MEGF9: variants seen among roughly 807,000 people sequenced by gnomAD.
The protein encoded by MEGF9 is multiple EGF like domains 9.
Under a neutral mutation model 46.8 loss-of-function variants are expected in MEGF9, and 6 were observed. That is an observed-to-expected ratio of 0.13 (90% CI 0.07 to 0.25). The LOEUF (loss-of-function observed/expected upper bound fraction) is 0.25. MEGF9 is among the 10% of genes least tolerant of loss of function. The pLI, the probability that MEGF9 is intolerant of heterozygous loss-of-function variation, is 1.00. For synonymous variants in MEGF9, 302 were observed against 330.7 expected (o/e 0.91, Z 0.94); for missense variants, 683 against 792.4 (o/e 0.86, Z 1.66).
chr9:120,691,489 A>G, intron 1 of MEGF9: 1 of 424,758 alleles, frequency 2.4e-6, no homozygotes, highest in Non-Finnish European at 4.8e-6. Context: ...ACAAGAAGTC[A>G]GATTTCAAAT....
rs544548969 is a variant in MEGF9 at position 120,705,786 on chromosome 9, C to T, written c.601+7972G>A. 4.0e-4 allele frequency among the ~76,000 whole-genome samples: 60 copies of T among 151,454 alleles called. No homozygotes were observed. In the South Asian group the frequency reaches 0.011, roughly 29 times the overall value. Reference sequence around the variant, plus strand: ...AAATCCTCCTTTAAAGTTACCAGGGCAGTCAGGGTAGTCATTTCTAGTGAA... The same window carrying T: ...AAATCCTCCTTTAAAGTTACCAGGGTAGTCAGGGTAGTCATTTCTAGTGAA... On this transcript the variant is annotated intron_variant, in intron 1 of 5. Coordinates refer to ENST00000373930, the MANE Select transcript of MEGF9 (RefSeq NM_001080497.3).
chr9:120,619,279 G>A (rs1486489409), intron 3 of MEGF9, among the ~76,000 whole-genome samples: 2 of 151,450 alleles, frequency 1.3e-5, no homozygotes, highest in African/African-American at 4.8e-5. Context: ...CCCAGGAGGT[G>A]GAGGTTGCAG....
At chr9:120,677,049 T>A (rs564418363) in intron 1 of MEGF9, among the ~76,000 whole-genome samples, 1 of 152,226 alleles carries the variant, frequency 6.6e-6, no homozygotes, top group African/African-American at 2.4e-5. Flanking sequence ...GGGGAGGAGA[T>A]AAGGAGCAAA....
intron 1 of MEGF9, among the ~76,000 whole-genome samples, chr9:120,670,467 C>T (rs910666127): frequency 6.6e-6 from 1 of 152,144 alleles, no homozygotes; most frequent in Non-Finnish European, 1.5e-5. Flanking sequence ...GAGAAAGTTA[C>T]AATATAAAGA....
chr9:120,631,780 C>T (rs1028749520), intron 2 of MEGF9, among the ~76,000 whole-genome samples: 10 of 152,028 alleles, frequency 6.6e-5, no homozygotes, highest in East Asian at 1.9e-4. Context: ...CCACTGTGCC[C>T]GGCCCTGTAT....
intron 1 of MEGF9, among the ~76,000 whole-genome samples, chr9:120,673,902 G>A (rs1361076448): frequency 6.6e-6 from 1 of 151,156 alleles, no homozygotes; most frequent in East Asian, 1.9e-4. Flanking sequence ...CTCAGAGGGC[G>A]GAGCTTGCAG....
chr9:120,656,797 A>C (rs1331614563), intron 2 of MEGF9, among the ~76,000 whole-genome samples: 1 of 152,146 alleles, frequency 6.6e-6, no homozygotes, highest in African/African-American at 2.4e-5. Context: ...ACTTAAAAGA[A>C]TTCAGCCAGG....
intron 1 of MEGF9, among the ~76,000 whole-genome samples, chr9:120,709,322 A>G (rs2043942388): frequency 6.6e-6 from 1 of 152,152 alleles, no homozygotes; most frequent in Non-Finnish European, 1.5e-5. Context: ...AGGCTGAGGC[A>G]GAATTGCCTG....
chr9:120,642,926 G>GA (rs1217767164), intron 2 of MEGF9, among the ~76,000 whole-genome samples: 2 of 152,068 alleles, frequency 1.3e-5, no homozygotes, highest in Non-Finnish European at 2.9e-5. Flanking sequence ...AAACTAAATT[G>GA]AAAACCCCAA....
chr9:120,641,553 A>C (rs2043603243), intron 2 of MEGF9, among the ~76,000 whole-genome samples: 1 of 152,202 alleles, frequency 6.6e-6, no homozygotes, highest in Non-Finnish European at 1.5e-5. Flanking sequence ...ACTCAGAGCC[A>C]CCAACATAGA....
rs1362441949 is a variant in MEGF9 at position 120,713,919 on chromosome 9, GTGGTCGGCGCGGGTC to G, written c.425_439del (p.Arg142_Thr146del). The G allele has an allele frequency of 7.4e-7, 1 of 1,344,444 alleles. No homozygotes were observed. Among genetic ancestry groups the G allele is most frequent in the South Asian group, 2.1e-5 (1 of 48,384 alleles). 83.3% of individuals were successfully genotyped at this position (1,344,444 alleles called of 1,614,324 possible). On this transcript the variant is annotated inframe_deletion, in exon 1 of 6. Transcript: ENST00000373930. The stretch of plus-strand genomic sequence containing the variant: ...CGCCGGGCCAGTGGTCGTCGAAAGG[GTGGTCGGCGCGGGTC>G]TGGTCGGCGCCTGAGAGGTGGTCGA...
chr9:120,709,864 C>G (rs1232517804), intron 1 of MEGF9, among the ~76,000 whole-genome samples: 1 of 151,910 alleles, frequency 6.6e-6, no homozygotes, highest in East Asian at 1.9e-4. Flanking sequence ...GCCTGGCCAA[C>G]ATGGTGAAAC....
chr9:120,685,456 T>A (rs1189331552), intron 1 of MEGF9, among the ~76,000 whole-genome samples: 1 of 152,216 alleles, frequency 6.6e-6, no homozygotes, highest in Non-Finnish European at 1.5e-5. Context: ...AGTAATAGTC[T>A]TGGAGAAACA....
intron 2 of MEGF9, among the ~76,000 whole-genome samples, chr9:120,656,546 C>CAAA (rs11446439): frequency 1.1e-3 from 97 of 88,052 alleles, no homozygotes; most frequent in Non-Finnish European, 1.3e-3. Context: ...GACTCCGTCT[C>CAAA]AAAAAAAAAA....
At chr9:120,622,170 C>T (rs1407482462) in intron 3 of MEGF9, among the ~76,000 whole-genome samples, 2 of 152,150 alleles carry the variant, frequency 1.3e-5, no homozygotes, top group African/African-American at 4.8e-5. Context: ...GAAAGCTGGC[C>T]TTGTGTTTGG....
intron 2 of MEGF9, among the ~76,000 whole-genome samples, chr9:120,632,213 T>C (rs1473983915): frequency 6.6e-6 from 1 of 152,150 alleles, no homozygotes. Flanking sequence ...ATGAATTCTT[T>C]CAACCCATAA....
intron 1 of MEGF9, among the ~76,000 whole-genome samples, chr9:120,675,844 C>T (rs1411870142): frequency 2.2e-5 from 3 of 134,824 alleles, no homozygotes; most frequent in South Asian, 5.2e-4. Flanking sequence ...GCCGAGATCA[C>T]GCCATTGCAC....
intron 1 of MEGF9, among the ~76,000 whole-genome samples, chr9:120,711,588 T>A (rs2043953299): frequency 6.6e-6 from 1 of 152,076 alleles, no homozygotes; most frequent in Admixed American, 6.6e-5. Context: ...GTTGTTTATA[T>A]TTTTTTGCCA....
At chr9:120,630,880 T>C (rs941207020) in intron 2 of MEGF9, among the ~76,000 whole-genome samples, 1 of 152,236 alleles carries the variant, frequency 6.6e-6, no homozygotes, top group Non-Finnish European at 1.5e-5. Flanking sequence ...ATCTGGATAT[T>C]AGTCTCTTTC....
Sources: allele counts gnomAD v4.1 joint callset (sites outside exome capture counted in the v4.1 genomes callset), GRCh38; gene constraint gnomAD v4.1.1; transcripts MANE v1.5; gene names NCBI Gene and HGNC (gene_info 2026-07-23, HGNC 2026-07-21).